The following C7orf57 variants were observed in gnomAD, a reference collection of about 807,000 sequenced individuals.
C7orf57 encodes uncharacterized protein C7orf57.
A neutral mutation model predicts 39.0 loss-of-function variants in C7orf57; 33 were observed. The observed-to-expected ratio is 0.85, with a 90% confidence interval of 0.64 to 1.13. C7orf57 has a LOEUF of 1.13. Among genes scored for constraint, C7orf57 ranks in the 50% most tolerant of loss-of-function variants. The pLI is 0.00. For missense variants in C7orf57, 346 were observed against 362.3 expected (o/e 0.95, Z 0.37); for synonymous variants, 124 against 137.1 (o/e 0.90, Z 0.67).
Position 48,035,696 on chromosome 7 carries a change from C to T in C7orf57, c.-102+66C>T. On this transcript the variant is annotated intron_variant, in intron 1 of 8. Coordinates refer to ENST00000348904, the MANE Select transcript of C7orf57 (RefSeq NM_001100159.3). The surrounding 1 kb of genome is among the most constrained non-coding windows in gnomAD (Gnocchi z 4.0). ...GTGGTCCCGGGCCTTGTCCACTGTG[C>T]GGAGCTCGCAGTGCGGGCAGTGCGC... is the stretch of plus-strand genomic sequence containing the variant. 1 of 597,988 alleles carries T rather than the reference C, an allele frequency of 1.7e-6. No homozygotes were observed. Among genetic ancestry groups the T allele is most frequent in the South Asian group, 1.9e-5 (1 of 52,152 alleles). 37.0% of individuals were successfully genotyped at this position (597,988 alleles called of 1,614,324 possible).
intron 3 of C7orf57, 143 bp downstream of exon 3, chr7:48,041,662 T>C (rs1790556497): frequency 8.1e-6 from 5 of 615,618 alleles, no homozygotes; most frequent in Non-Finnish European, 1.3e-5. Context: ...GTTAATTAGG[T>C]GTAGGGATGA....
chr7:48,044,180 G>A (rs1207000370), intron 4 of C7orf57, among the ~76,000 whole-genome samples: 1 of 152,170 alleles, frequency 6.6e-6, no homozygotes. Flanking sequence ...GAAGTGCAGC[G>A]GACACTCTGC....
chr7:48,046,560 G>C lies in C7orf57; in HGVS notation c.451G>C (p.Asp151His). 1.2e-6 allele frequency: 2 copies of C among 1,613,826 alleles called. No homozygotes were observed. The highest frequency in any genetic ancestry group is 1.7e-6 in the Non-Finnish European group (2 of 1,179,788). Residue 151 changes from aspartate to histidine, a missense_variant, in exon 5 of 9, where the codon GAC becomes CAC. By Grantham distance (81) the Asp-to-His change is moderately conservative. Transcript: ENST00000348904. ...YASRRGPFDFDMKTVWQREAE... is the reference protein window; with the variant it reads ...YASRRGPFDFHMKTVWQREAE... Reference sequence around the variant, plus strand: ...ATCCAGAAGAGGGCCCTTCGACTTCGACATGAAAACAGTTTGGCAAAGAGA... The same window carrying C: ...ATCCAGAAGAGGGCCCTTCGACTTCCACATGAAAACAGTTTGGCAAAGAGA...
rs553935305 is a variant in C7orf57 at position 48,044,312 on chromosome 7, G to A, written c.350+723G>A. Among the ~76,000 whole-genome samples, 8 of 152,282 alleles carry A rather than the reference G, an allele frequency of 5.3e-5. No homozygotes were observed. The South Asian group carries it at 1.5e-3, about 28-fold the overall frequency. ...ACAGACCAGAAGAGTGTGCAGTTGC[G>A]AGATTTAATAGAGTGAAAACAGAGC... On this transcript the variant is annotated intron_variant, in intron 4 of 8. Transcript: ENST00000348904.
Position 48,060,380 on chromosome 7 carries a change from C to T in C7orf57, c.*108C>T. On this transcript the variant is annotated 3_prime_UTR_variant, in exon 9 of 9. Transcript: ENST00000348904. ...TTTTTGTATTTTATTAATATAGACT[C>T]TCATTGAATAATTTACCTTGCAGCA... is the stretch of plus-strand genomic sequence containing the variant. The T allele has an allele frequency of 1.6e-6, 1 of 629,850 alleles. No individual in the cohort carries two copies. Among genetic ancestry groups the T allele is most frequent in the Non-Finnish European group, 2.6e-6 (1 of 380,706 alleles). The allele number at this position is 629,850 out of a possible 1,614,324, so 39.0% of individuals were successfully genotyped here.
At position 48,036,284 on chromosome 7, in the gene C7orf57, T is replaced by C. The variant is rs145111939; in HGVS notation, c.-25T>C. 6.4e-7 allele frequency: 1 copy of C among 1,568,180 alleles called. No homozygotes were observed. Among genetic ancestry groups the C allele is most frequent in the African/African-American group, 1.4e-5 (1 of 73,788 alleles). ...CACCAGGTCCGGCAGCATCTGTCTT[T>C]TCCCGCAGCGTGCAGCGCCTGACCA... On this transcript the variant is annotated 5_prime_UTR_variant, in exon 2 of 9. Transcript: ENST00000348904.
In C7orf57 at chr7:48,052,736, C is replaced by T; in HGVS notation, c.642C>T (p.Ser214=). 6.2e-7 allele frequency: 1 copy of T among 1,613,752 alleles called. No homozygotes were observed. The highest frequency in any genetic ancestry group is 8.5e-7 in the Non-Finnish European group (1 of 1,179,838). The change falls in exon 7 of 9, where the codon TCC becomes TCT. Residue 214 remains serine (S), a synonymous_variant. Coordinates refer to ENST00000348904, the MANE Select transcript of C7orf57 (RefSeq NM_001100159.3). The stretch of plus-strand genomic sequence containing the variant: ...AAAACAGTTCACCTACCAATTTTTC[C>T]AAACTCATTAGCAATGGTTATAAGG... ...GQKNSSPTNF[S]KLISNGYKDE... is the part of the protein sequence containing the mutation.
chr7:48,043,322 C>A (rs1008725364), intron 3 of C7orf57, among the ~76,000 whole-genome samples, 159 bp from the exon 4 acceptor site: 3 of 152,222 alleles, frequency 2.0e-5, no homozygotes, highest in Admixed American at 2.0e-4. Context: ...TGTGCACAGA[C>A]AGGTGAGGAT....
At chr7:48,051,739 CTTTCTTTTTCT>C (rs1790893216) in intron 6 of C7orf57, among the ~76,000 whole-genome samples, 1 of 55,606 alleles carries the variant, frequency 1.8e-5, no homozygotes, top group African/African-American at 4.8e-5. Flanking sequence ...TTTTTCTTTT[CTTTCTTTTTCT>C]TTTCTTTCTT....
chr7:48,041,498 G>A lies in C7orf57; in HGVS notation c.220G>A (p.Ala74Thr). 1 of 1,607,726 alleles carries A rather than the reference G, an allele frequency of 6.2e-7. No homozygotes were observed. The highest frequency in any genetic ancestry group is 8.5e-7 in the Non-Finnish European group (1 of 1,175,654). ...KETDSEYVKL[A>T]KQGGRPDLLK... is the part of the protein sequence containing the mutation. ...AACAGATTCGGAATATGTGAAGCTC[G>A]CGAAACAAGGTGGCAGGCCCGGTGA... The change falls in exon 3 of 9, where the codon GCG becomes ACG. Residue 74 changes from alanine to threonine, a missense_variant. Transcript: ENST00000348904.
intron 7 of C7orf57, chr7:48,053,154 ATTTTC>A: frequency 1.6e-6 from 1 of 628,852 alleles, no homozygotes; most frequent in East Asian, 3.2e-5. Flanking sequence ...GGGGTTTCAC[ATTTTC>A]TTTTATTTGT....
At chr7:48,050,707 G>C (rs1471867684) in intron 6 of C7orf57, among the ~76,000 whole-genome samples, 3 of 152,158 alleles carry the variant, frequency 2.0e-5, no homozygotes, top group Admixed American at 2.0e-4. Context: ...AGATGTACGA[G>C]AGAGAAAATA....
intron 8 of C7orf57, among the ~76,000 whole-genome samples, chr7:48,057,932 G>C (rs934939666): frequency 7.9e-5 from 12 of 151,924 alleles, no homozygotes; most frequent in South Asian, 6.2e-4. Context: ...TATTAATGTA[G>C]TATATCACAT....
chr7:48,052,313 G>A (rs1279919404), intron 6 of C7orf57, among the ~76,000 whole-genome samples: 1 of 152,060 alleles, frequency 6.6e-6, no homozygotes, highest in African/African-American at 2.4e-5. Context: ...GTAGTTCTGA[G>A]CAATCCATTA....
chr7:48,050,793 C>T (rs1248738845), intron 6 of C7orf57, among the ~76,000 whole-genome samples: 1 of 152,166 alleles, frequency 6.6e-6, no homozygotes, highest in Non-Finnish European at 1.5e-5. Flanking sequence ...CCTCAGCCTC[C>T]CAAGTAGCTG....
chr7:48,037,840 C>T (rs1790428692), intron 2 of C7orf57, among the ~76,000 whole-genome samples: 1 of 152,028 alleles, frequency 6.6e-6, no homozygotes, highest in Admixed American at 6.5e-5. Context: ...CTCTGAGTGC[C>T]TCCTTTGTAT....
chr7:48,057,139 G>C (rs940394917), intron 8 of C7orf57, among the ~76,000 whole-genome samples: 5 of 148,096 alleles, frequency 3.4e-5, no homozygotes, highest in African/African-American at 1.2e-4. Context: ...CAAATTCTAG[G>C]ATTTATTTTC....
chr7:48,051,326 G>A (rs1790869737), intron 6 of C7orf57, among the ~76,000 whole-genome samples: 2 of 145,762 alleles, frequency 1.4e-5, no homozygotes, highest in African/African-American at 2.5e-5. Context: ...GACTATAGGT[G>A]CCTGCCACCA....
At position 48,052,868 on chromosome 7, in the gene C7orf57, G is replaced by C; in HGVS notation, c.774G>C (p.Gln258His). 2 of 1,613,982 alleles carry C rather than the reference G, an allele frequency of 1.2e-6. No homozygotes were observed. Among genetic ancestry groups the C allele is most frequent in the Non-Finnish European group, 1.7e-6 (2 of 1,179,870 alleles). The part of the protein sequence containing the change: ...SQSPRDLEGP[Q>H]DAARLQDAEA... ...CCCCACGAGACCTGGAAGGTCCCCAGGATGCAGCCAGGCTCCAGGATGCAG... is the reference window on the plus strand; with the variant it reads ...CCCCACGAGACCTGGAAGGTCCCCACGATGCAGCCAGGCTCCAGGATGCAG... The change falls in exon 7 of 9, where the codon CAG (glutamine) becomes CAC (histidine). Residue 258 changes from glutamine (Q) to histidine (H), a missense_variant. By Grantham distance (24) the Gln-to-His change is conservative. Transcript: ENST00000348904.
Sources: allele counts gnomAD v4.1 joint callset (sites outside exome capture counted in the v4.1 genomes callset), GRCh38; gene constraint gnomAD v4.1.1; non-coding constraint Gnocchi (gnomAD v3.1); transcripts MANE v1.5; gene names NCBI Gene and HGNC (gene_info 2026-07-23, HGNC 2026-07-21).